Variants in DLGAP1 observed in about 807,000 individuals in gnomAD.
The protein encoded by DLGAP1 is disks large-associated protein 1.
In DLGAP1, 11 loss-of-function variants were observed where a neutral mutation model predicts 90.8. The observed-to-expected ratio is 0.12, with a 90% confidence interval of 0.08 to 0.20. DLGAP1 has a LOEUF of 0.20. DLGAP1 is among the 10% of genes least tolerant of loss of function. DLGAP1 has a pLI of 1.00. For synonymous variants in DLGAP1, 558 were observed against 540.7 expected, an observed-to-expected ratio of 1.03 and a Z score of -0.44; for missense variants, 1,050 against 1,333.8, an observed-to-expected ratio of 0.79 and a Z score of 3.31.
intron 1 of DLGAP1, among the ~76,000 whole-genome samples, chr18:4,280,349 A>G (rs543633990): frequency 2.6e-4 from 39 of 152,358 alleles, no homozygotes; most frequent in African/African-American, 9.4e-4. Context: ...ATGGATGAAC[A>G]TAACAAATAA....
intron 1 of DLGAP1, among the ~76,000 whole-genome samples, chr18:4,372,927 CA>C (rs71160961): frequency 7.0e-5 from 10 of 143,184 alleles, no homozygotes; most frequent in Non-Finnish European, 6.1e-5. Flanking sequence ...GACTCCATCT[CA>C]AAAAAAAAAG....
At chr18:3,951,331 C>T (rs1485621544) in intron 3 of DLGAP1, among the ~76,000 whole-genome samples, 1 of 152,184 alleles carries the variant, frequency 6.6e-6, no homozygotes, top group Non-Finnish European at 1.5e-5. Context: ...TATTTAAGTT[C>T]ATATCTTCTA....
At chr18:4,089,161 GACAA>G (rs59665898) in intron 2 of DLGAP1, among the ~76,000 whole-genome samples, 39,210 of 151,888 alleles carry the variant, frequency 0.26, 5,312 homozygotes, top group Non-Finnish European at 0.31. Context: ...ACCAACAATA[GACAA>G]ACAGAGAGCC....
chr18:3,911,996 G>A (rs144824880), intron 3 of DLGAP1, among the ~76,000 whole-genome samples: 1 of 152,328 alleles, frequency 6.6e-6, no homozygotes, highest in East Asian at 1.9e-4. Context: ...TTCAAGTCCT[G>A]TCGAATCAAA....
intron 3 of DLGAP1, among the ~76,000 whole-genome samples, chr18:3,979,783 A>G (rs764124133): frequency 7.2e-5 from 11 of 152,248 alleles, no homozygotes; most frequent in Non-Finnish European, 1.5e-4. Context: ...TGATGTATAC[A>G]TAGATCAAAA....
chr18:4,214,090 A>G (rs2077901821), intron 1 of DLGAP1, among the ~76,000 whole-genome samples: 1 of 152,132 alleles, frequency 6.6e-6, no homozygotes, highest in South Asian at 2.1e-4. Context: ...AGATGCCGAA[A>G]CTCATCAAGA....
chr18:3,637,363 G>A (rs1599662052), intron 7 of DLGAP1, among the ~76,000 whole-genome samples: 1 of 151,970 alleles, frequency 6.6e-6, no homozygotes, highest in South Asian at 2.1e-4. Context: ...CTAGAAACAC[G>A]TTTAGTTTAT....
chr18:4,426,167 A>G (rs745328214), intron 1 of DLGAP1, among the ~76,000 whole-genome samples: 1 of 152,204 alleles, frequency 6.6e-6, no homozygotes, highest in Non-Finnish European at 1.5e-5. Flanking sequence ...CAGCGTTCAG[A>G]CATTCCATGT....
In DLGAP1 at chr18:3,788,572, G is replaced by A. The variant is rs573760414; in HGVS notation, c.1172+25487C>T. 2.0e-5 allele frequency among the ~76,000 whole-genome samples: 3 copies of A among 152,176 alleles called. No homozygotes were observed. The South Asian group carries it at 6.2e-4, about 32-fold the overall frequency. On this transcript the variant is annotated intron_variant, in intron 5 of 12. Transcript: ENST00000315677. ...AAACAACTATGATTAGGTTCATCTG[G>A]CAAATGGGAAAATTTGCTCTTTGGG...
At chr18:3,584,266 C>T (rs1009839123) in intron 7 of DLGAP1, among the ~76,000 whole-genome samples, 1 of 151,812 alleles carries the variant, frequency 6.6e-6, no homozygotes, top group Admixed American at 6.6e-5. Flanking sequence ...CCCACCCCAC[C>T]CCAGCCCACC....
At chr18:4,081,670 G>A (rs1385381491) in intron 2 of DLGAP1, among the ~76,000 whole-genome samples, 2 of 152,110 alleles carry the variant, frequency 1.3e-5, no homozygotes, top group East Asian at 1.9e-4. Flanking sequence ...AACTCATATT[G>A]GAGGAAGAAA....
chr18:3,740,089 C>T (rs1472625506), intron 6 of DLGAP1, among the ~76,000 whole-genome samples: 1 of 152,134 alleles, frequency 6.6e-6, no homozygotes, highest in Non-Finnish European at 1.5e-5. Context: ...TAAAAGTTCT[C>T]CATAAAGTTA....
chr18:4,324,647 C>G (rs1454953111), intron 1 of DLGAP1, among the ~76,000 whole-genome samples: 3 of 152,080 alleles, frequency 2.0e-5, no homozygotes. Context: ...AATCCAGCAG[C>G]ACATCAAAAA....
intron 7 of DLGAP1, among the ~76,000 whole-genome samples, chr18:3,643,916 GA>G (rs1234588544): frequency 2.0e-5 from 3 of 152,070 alleles, no homozygotes; most frequent in Non-Finnish European, 4.4e-5. Flanking sequence ...TTTTGCCAAT[GA>G]AAAAAGCATG....
At chr18:4,091,614 G>A (rs981926271) in intron 2 of DLGAP1, among the ~76,000 whole-genome samples, 4 of 152,000 alleles carry the variant, frequency 2.6e-5, no homozygotes, top group Non-Finnish European at 5.9e-5. Context: ...GACCTATTAA[G>A]TTCATTGATT....
Position 3,666,423 on chromosome 18 carries a change from T to C in DLGAP1, c.1591+62712A>G, listed in dbSNP as rs533491773. Among the ~76,000 whole-genome samples, 25 of 152,308 alleles carry C rather than the reference T, an allele frequency of 1.6e-4. No individual in the cohort carries two copies. In the South Asian group the frequency reaches 5.2e-3, roughly 32 times the overall value. On this transcript the variant is annotated intron_variant, in intron 7 of 12. Coordinates refer to ENST00000315677, the MANE Select transcript of DLGAP1 (RefSeq NM_004746.4). ...TCTTAGTCAAAGCCAGACCCGAGTT[T>C]CCTAGGATTCTTCGGTGAAACTGCA...
At chr18:3,810,538 G>GA (rs200119022) in intron 5 of DLGAP1, among the ~76,000 whole-genome samples, 6 of 149,784 alleles carry the variant, frequency 4.0e-5, no homozygotes, top group South Asian at 4.2e-4. Context: ...AGGAAGGAGG[G>GA]AAAAAAAAAT....
At chr18:3,752,254 G>A (rs150673564) in intron 5 of DLGAP1, among the ~76,000 whole-genome samples, 1 of 152,200 alleles carries the variant, frequency 6.6e-6, no homozygotes, top group Non-Finnish European at 1.5e-5. Context: ...GTGTACTTCA[G>A]TGATTTTTAG....
intron 5 of DLGAP1, among the ~76,000 whole-genome samples, chr18:3,758,896 T>G (rs2063830356): frequency 6.6e-6 from 1 of 152,194 alleles, no homozygotes; most frequent in African/African-American, 2.4e-5. Flanking sequence ...CCTTAAACAT[T>G]AATTTTCCTT....
Sources: gnomAD v4.1 joint callset for allele counts (sites outside exome capture counted in the v4.1 genomes callset) on GRCh38, gnomAD v4.1.1 for gene constraint, MANE v1.5 for transcripts, NCBI Gene and HGNC (gene_info 2026-07-23, HGNC 2026-07-21) for gene names.